OSBPL9: variants seen among roughly 807,000 people sequenced by gnomAD.
OSBPL9 encodes oxysterol binding protein like 9, also known as oxysterol-binding protein-related protein 9.
OSBPL9 carries 40 observed loss-of-function variants against 106.6 expected under a neutral mutation model. The observed-to-expected ratio is 0.38, with a 90% CI of 0.29 to 0.49. The LOEUF (loss-of-function observed/expected upper bound fraction) is 0.49. OSBPL9 is among the 20% of genes least tolerant of loss of function. The pLI, the probability that OSBPL9 is intolerant of heterozygous loss-of-function variation, is 0.97. For synonymous variants in OSBPL9, 269 were observed against 295.4 expected, an observed-to-expected ratio of 0.91 and a Z score of 0.92; for missense variants, 609 against 887.2, an observed-to-expected ratio of 0.69 and a Z score of 3.98.
intron 2 of OSBPL9, among the ~76,000 whole-genome samples, chr1:51,605,194 A>G (rs1643936689): frequency 6.6e-6 from 1 of 152,248 alleles, no homozygotes; most frequent in South Asian, 2.1e-4. Context: ...CAATCTAATG[A>G]ACAAGACAAA....
the OSBPL9 span, among the ~76,000 whole-genome samples, chr1:51,540,423 G>A: frequency 5.3e-5 from 8 of 151,962 alleles, no homozygotes; most frequent in African/African-American, 1.4e-4. Context: ...TTAGGAGGCC[G>A]AGGTGGGCAG....
At chr1:51,784,797 T>C in intron 20 of OSBPL9, 2 of 596,340 alleles carry the variant, frequency 3.4e-6, no homozygotes, top group South Asian at 5.0e-5. Flanking sequence ...ATAGGTTTCC[T>C]TCCTAAAAAC....
At chr1:51,730,142 G>T in intron 4 of OSBPL9, 1 of 1,245,628 alleles carries the variant, frequency 8.0e-7, no homozygotes, top group Non-Finnish European at 1.0e-6. Flanking sequence ...GGACGACGTG[G>T]CTGCCCGGGC....
chr1:51,569,257 C>T, the OSBPL9 span, among the ~76,000 whole-genome samples: 4 of 152,196 alleles, frequency 2.6e-5, no homozygotes, highest in Non-Finnish European at 5.9e-5. Context: ...AGAGGGTCTA[C>T]GTAGCTGATG....
At chr1:51,616,223 G>A (rs187015759), upstream of OSBPL9, among the ~76,000 whole-genome samples, 22 of 152,222 alleles carry the variant, frequency 1.4e-4, no homozygotes, top group East Asian at 3.5e-3. Flanking sequence ...GATCTCAAGT[G>A]ATCTGCCTGC....
At chr1:51,663,137 T>C (rs995649927) in intron 2 of OSBPL9, among the ~76,000 whole-genome samples, 8 of 152,100 alleles carry the variant, frequency 5.3e-5, no homozygotes, top group Non-Finnish European at 1.0e-4. Flanking sequence ...AAGCATCAAA[T>C]TTTTAGGAAT....
the OSBPL9 span, among the ~76,000 whole-genome samples, chr1:51,570,702 G>A: frequency 1.3e-5 from 2 of 152,230 alleles, no homozygotes; most frequent in African/African-American, 2.4e-5. Context: ...TCAGCAAAAC[G>A]TGGAGAATTA....
At chr1:51,572,449 G>T (rs1349683244), upstream of OSBPL9, among the ~76,000 whole-genome samples, 1 of 152,160 alleles carries the variant, frequency 6.6e-6, no homozygotes, top group Non-Finnish European at 1.5e-5. Flanking sequence ...AGTCATGGGA[G>T]TTAGCCCTAG....
rs555277238 is a variant in OSBPL9, at chr1:51,587,269, G to A, written c.-423+10013G>A. On this transcript the variant is annotated intron_variant, in intron 1 of 25. Coordinates refer to the OSBPL9 transcript ENST00000371714. ...GCTTCCAGCTCCTCAGGAGGCTGAG[G>A]TGGGAGAATTGTTTGAACACAGAAG... Among the ~76,000 whole-genome samples the A allele has an allele frequency of 1.3e-4, 20 of 152,344 alleles. 1 individual carries two copies. Among genetic ancestry groups the A allele is most frequent in the African/African-American group, 4.8e-4 (20 of 41,586 alleles).
At chr1:51,556,214 A>G in the OSBPL9 span, among the ~76,000 whole-genome samples, 29 of 152,352 alleles carry the variant, frequency 1.9e-4, no homozygotes, top group African/African-American at 6.7e-4. Flanking sequence ...TTGTCACCCA[A>G]TAGACACTAG....
At chr1:51,702,957 T>A (rs1018035068) in intron 3 of OSBPL9, among the ~76,000 whole-genome samples, 1 of 152,222 alleles carries the variant, frequency 6.6e-6, no homozygotes, top group Non-Finnish European at 1.5e-5. Flanking sequence ...TAGTTGTAGA[T>A]GTGTGGCATT....
At chr1:51,778,006 T>C (rs2149129177) in intron 15 of OSBPL9, among the ~76,000 whole-genome samples, 1 of 152,058 alleles carries the variant, frequency 6.6e-6, no homozygotes, top group African/African-American at 2.4e-5. Context: ...AAATTTTTAA[T>C]AATAAGCCAG....
chr1:51,568,799 G>A, the OSBPL9 span, among the ~76,000 whole-genome samples: 3 of 151,976 alleles, frequency 2.0e-5, no homozygotes, highest in Admixed American at 6.6e-5. Flanking sequence ...GTGCAATCTC[G>A]GCTCACTACA....
chr1:51,653,819 G>A (rs907288965), intron 2 of OSBPL9, among the ~76,000 whole-genome samples: 1 of 152,120 alleles, frequency 6.6e-6, no homozygotes, highest in Non-Finnish European at 1.5e-5. Flanking sequence ...GGGAAACATA[G>A]TGAGATCCCC....
At chr1:51,573,539 G>A (rs1320381621), upstream of OSBPL9, among the ~76,000 whole-genome samples, 3 of 141,316 alleles carry the variant, frequency 2.1e-5, no homozygotes, top group Non-Finnish European at 4.5e-5. Flanking sequence ...AAAAAGGCCA[G>A]GCACGGTGGT....
intron 2 of OSBPL9, among the ~76,000 whole-genome samples, chr1:51,610,924 A>G (rs1049994643): frequency 6.6e-6 from 1 of 152,194 alleles, no homozygotes; most frequent in Non-Finnish European, 1.5e-5. Flanking sequence ...AGTAGATGCA[A>G]TAGGTTGTCC....
intron 4 of OSBPL9, among the ~76,000 whole-genome samples, chr1:51,723,401 T>C (rs767182203): frequency 1.3e-5 from 2 of 152,222 alleles, no homozygotes; most frequent in Non-Finnish European, 2.9e-5. Flanking sequence ...TCACACAGTA[T>C]GCAGCCTTTT....
chr1:51,680,347 A>C (rs1166319334), intron 3 of OSBPL9, among the ~76,000 whole-genome samples: 1 of 152,132 alleles, frequency 6.6e-6, no homozygotes, highest in African/African-American at 2.4e-5. Context: ...CATGACACTG[A>C]ATGTTCTAAG....
chr1:51,756,444 C>T, intron 9 of OSBPL9, 86 bp downstream of exon 9: 3 of 1,312,786 alleles, frequency 2.3e-6, no homozygotes, highest in Non-Finnish European at 3.2e-6. Context: ...AATTACTACT[C>T]ATTTTTCAAT....
Sources: gnomAD v4.1 joint callset for allele counts (sites outside exome capture counted in the v4.1 genomes callset) on GRCh38, gnomAD v4.1.1 for gene constraint, MANE v1.5 for transcripts, NCBI Gene and HGNC (gene_info 2026-07-23, HGNC 2026-07-21) for gene names.